The following FAM110B variants were observed in gnomAD, a reference collection of about 807,000 sequenced individuals.
FAM110B encodes the protein protein FAM110B.
Under a neutral mutation model 20.4 loss-of-function variants are expected in FAM110B, and 6 were observed. The observed-to-expected ratio is 0.29, with a 90% CI of 0.16 to 0.58. The LOEUF (loss-of-function observed/expected upper bound fraction) is 0.58. Among genes scored for constraint, FAM110B ranks in the 20% least tolerant of loss-of-function variants. The pLI, the probability that FAM110B is intolerant of heterozygous loss-of-function variation, is 0.90. For missense variants in FAM110B, 434 were observed against 498.2 expected, an observed-to-expected ratio of 0.87 and a Z score of 1.23; for synonymous variants, 226 against 214.1, an observed-to-expected ratio of 1.06 and a Z score of -0.49.
At chr8:58,091,672 T>C (rs1585878362) in intron 3 of FAM110B, 1 of 152,204 alleles carries the variant, frequency 6.6e-6, no homozygotes, top group Non-Finnish European at 1.5e-5. Context: ...TACATATTCA[T>C]GACAGATGCC....
intron 1 of FAM110B, among the ~76,000 whole-genome samples, chr8:58,015,442 G>T (rs1804618349): frequency 1.3e-5 from 2 of 152,108 alleles, no homozygotes; most frequent in Admixed American, 1.3e-4. Context: ...AACAAAAATG[G>T]ATACAGATAC....
At chr8:58,012,571 A>G (rs1212738437) in intron 1 of FAM110B, among the ~76,000 whole-genome samples, 1 of 152,194 alleles carries the variant, frequency 6.6e-6, no homozygotes, top group Non-Finnish European at 1.5e-5. Context: ...CTTTGAGTAG[A>G]AAACCTCCAA....
At chr8:58,007,843 T>C (rs1804442852) in intron 1 of FAM110B, among the ~76,000 whole-genome samples, 1 of 151,560 alleles carries the variant, frequency 6.6e-6, no homozygotes, top group Non-Finnish European at 1.5e-5. Context: ...CTAAGGCACC[T>C]AGGCATTATG....
intron 3 of FAM110B, among the ~76,000 whole-genome samples, chr8:58,116,356 C>A (rs1350551455): frequency 2.6e-5 from 4 of 152,176 alleles, no homozygotes; most frequent in Non-Finnish European, 5.9e-5. Flanking sequence ...TCCTTGAAGA[C>A]AGCCATGGTC....
chr8:58,078,910 A>G (rs967471502), intron 3 of FAM110B, among the ~76,000 whole-genome samples: 3 of 152,114 alleles, frequency 2.0e-5, no homozygotes, highest in African/African-American at 7.2e-5. Context: ...CAGAACAACA[A>G]CAACCCTCGT....
At chr8:58,047,591 C>CTCTCTCTCTCTCTCTCT (rs370290365) in intron 2 of FAM110B, among the ~76,000 whole-genome samples, 2 of 74,756 alleles carry the variant, frequency 2.7e-5, no homozygotes, top group African/African-American at 4.1e-5. Flanking sequence ...CTTCCTTTTT[C>CTCTCTCTCTCTCTCTCT]CTCTCTCTCT....
At chr8:57,997,139 A>G (rs181797410) in intron 1 of FAM110B, among the ~76,000 whole-genome samples, 1 of 152,332 alleles carries the variant, frequency 6.6e-6, no homozygotes, top group Non-Finnish European at 1.5e-5. Context: ...TGCTGTAGGC[A>G]CAGTGGCTTG....
intron 1 of FAM110B, among the ~76,000 whole-genome samples, chr8:58,006,923 A>ATATTTTTTTTTTTTT: frequency 2.1e-4 from 27 of 126,528 alleles, no homozygotes; most frequent in African/African-American, 4.9e-4. Flanking sequence ...ATATATATAT[A>ATATTTTTTTTTTTTT]TTTTTCCAAA....
Position 58,024,000 on chromosome 8 carries a change from C to A in FAM110B, c.-511-7606C>A, listed in dbSNP as rs573528203. On this transcript the variant is annotated intron_variant, in intron 1 of 3. Transcript: ENST00000519262. ...CCTTAAAAAGATTTTGTGACACTGA[C>A]ATTGTACTAAGCACTTACAGATTTT... 3.9e-5 allele frequency among the ~76,000 whole-genome samples: 6 copies of A among 152,292 alleles called. No homozygotes were observed. The South Asian group carries it at 1.2e-3, about 32-fold the overall frequency.
At chr8:58,124,890 C>G (rs1210240529) in intron 3 of FAM110B, among the ~76,000 whole-genome samples, 1 of 152,086 alleles carries the variant, frequency 6.6e-6, no homozygotes, top group Non-Finnish European at 1.5e-5. Context: ...ATTCTTTTTA[C>G]GTTTGGTAGA....
chr8:58,009,344 G>A (rs546240738), intron 1 of FAM110B, among the ~76,000 whole-genome samples: 1 of 152,190 alleles, frequency 6.6e-6, no homozygotes, highest in Non-Finnish European at 1.5e-5. Flanking sequence ...GTAAATGCCT[G>A]GATTTTGCAG....
intron 3 of FAM110B, among the ~76,000 whole-genome samples, chr8:58,142,587 T>C (rs1449325719): frequency 2.1e-5 from 3 of 141,198 alleles, no homozygotes; most frequent in Non-Finnish European, 1.5e-5. Flanking sequence ...GCCAGATTGC[T>C]TTTGAGTTCA....
intron 2 of FAM110B, among the ~76,000 whole-genome samples, chr8:58,040,442 A>C (rs1354129703): frequency 6.6e-6 from 1 of 152,172 alleles, no homozygotes; most frequent in Non-Finnish European, 1.5e-5. Context: ...GCTCCTGCAC[A>C]GTCATCTTGT....
At chr8:58,005,513 C>G (rs1247264728) in intron 1 of FAM110B, among the ~76,000 whole-genome samples, 1 of 152,188 alleles carries the variant, frequency 6.6e-6, no homozygotes, top group East Asian at 1.9e-4. Flanking sequence ...CACAGACCTT[C>G]TATTTGTAAA....
intron 3 of FAM110B, among the ~76,000 whole-genome samples, chr8:58,127,117 G>A (rs915414693): frequency 1.3e-5 from 2 of 152,168 alleles, no homozygotes; most frequent in Non-Finnish European, 2.9e-5. Context: ...ATTTTTGCCT[G>A]TGGATATCCA....
Position 58,146,761 on chromosome 8 carries a change from C to T in FAM110B, c.531C>T (p.Gly177=), listed in dbSNP as rs1449919905. The T allele has an allele frequency of 1.9e-6, 3 of 1,611,454 alleles. No individual in the cohort carries two copies. The highest frequency in any genetic ancestry group is 8.5e-7 in the Non-Finnish European group (1 of 1,178,764). ...PTQGRRSPQE[G]GSHVGRRLLE... Reference sequence around the variant, plus strand: ...AGGGCCGCAGGAGCCCGCAGGAGGGCGGCTCCCACGTGGGCAGGAGACTGC... The same window carrying T: ...AGGGCCGCAGGAGCCCGCAGGAGGGTGGCTCCCACGTGGGCAGGAGACTGC... The change falls in exon 4 of 4, where the codon GGC becomes GGT. Residue 177 remains glycine (G), a synonymous_variant. Coordinates refer to ENST00000519262, the MANE Select transcript of FAM110B (RefSeq NM_001377989.1).
intron 2 of FAM110B, among the ~76,000 whole-genome samples, chr8:58,048,884 T>A (rs1266161829): frequency 6.6e-6 from 1 of 152,240 alleles, no homozygotes; most frequent in Non-Finnish European, 1.5e-5. Context: ...GTGTGAGTAG[T>A]CATAGCTCAT....
intron 1 of FAM110B, among the ~76,000 whole-genome samples, chr8:58,015,086 T>G (rs1804611178): frequency 6.6e-6 from 1 of 152,246 alleles, no homozygotes; most frequent in Non-Finnish European, 1.5e-5. Flanking sequence ...CCGGGTGCGA[T>G]GGCTCACGCC....
Position 58,146,142 on chromosome 8 carries a change from T to A in FAM110B, c.-89T>A. On this transcript the variant is annotated 5_prime_UTR_variant, in exon 4 of 4. The change creates a new upstream start codon in the 5' untranslated region. Coordinates refer to ENST00000519262, the MANE Select transcript of FAM110B (RefSeq NM_001377989.1). ...CGCTCCCAGGCTGCACCCGCCGCCC[T>A]TGGCGCTTCATGTACATGTGTCTAT... 1 of 1,465,670 alleles carries A rather than the reference T, an allele frequency of 6.8e-7. No homozygotes were observed. The highest frequency in any genetic ancestry group is 9.1e-7 in the Non-Finnish European group (1 of 1,099,904). 90.8% of individuals were successfully genotyped at this position (1,465,670 alleles called of 1,614,324 possible). A position where few individuals can be genotyped will look rare whatever the true frequency, so the allele number is the denominator to read the frequency against.
Sources: gnomAD v4.1 joint callset for allele counts (sites outside exome capture counted in the v4.1 genomes callset) on GRCh38, gnomAD v4.1.1 for gene constraint, MANE v1.5 for transcripts, NCBI Gene and HGNC (gene_info 2026-07-23, HGNC 2026-07-21) for gene names.